SPAG16: variants seen among roughly 807,000 people sequenced by gnomAD.
SPAG16 encodes sperm-associated antigen 16 protein.
In SPAG16, 86 loss-of-function variants were observed where a neutral mutation model predicts 80.4. The observed-to-expected ratio is 1.07, with a 90% CI of 0.90 to 1.28. The LOEUF (loss-of-function observed/expected upper bound fraction) is 1.28. Ranked by LOEUF, SPAG16 falls within the 50% of genes most tolerant of loss-of-function variation. The probability of loss-of-function intolerance (pLI) is 0.00; values close to 1 mark genes in which losing one functional copy is unlikely to be tolerated. For missense variants in SPAG16, 870 were observed against 765.3 expected, an observed-to-expected ratio of 1.14 and a Z score of -1.61; for synonymous variants, 294 against 265.9, an observed-to-expected ratio of 1.11 and a Z score of -1.03.
chr2:213,599,036 A>G (rs2060974217), intron 10 of SPAG16, among the ~76,000 whole-genome samples: 2 of 152,216 alleles, frequency 1.3e-5, no homozygotes, highest in East Asian at 1.9e-4. Context: ...CATTCTTTAT[A>G]TTATTAAATT....
chr2:214,109,906 T>C (rs17229840), intron 14 of SPAG16, among the ~76,000 whole-genome samples: 16,547 of 152,174 alleles, frequency 0.11, 1,242 homozygotes, highest in Admixed American at 0.17. Context: ...CCTACAAAAA[T>C]TAAATGGGAG....
chr2:213,576,334 T>G (rs1338841523), intron 10 of SPAG16, among the ~76,000 whole-genome samples: 4 of 152,144 alleles, frequency 2.6e-5, no homozygotes, highest in Admixed American at 2.6e-4. Context: ...AGCCCTGTAG[T>G]GTAGTTTGAA....
chr2:213,706,181 C>T (rs1008440382), intron 10 of SPAG16, among the ~76,000 whole-genome samples: 3 of 152,144 alleles, frequency 2.0e-5, no homozygotes, highest in East Asian at 3.8e-4. Context: ...AGGGTCACTA[C>T]GTGTTCTCAC....
Position 214,091,759 on chromosome 2 carries a change from T to C in SPAG16, c.1528-16437T>C, listed in dbSNP as rs531356111. ...ACACATAGAAATCATTTTACATAAA[T>C]AGGTTCCTGTATGCTTAGAATCTCC... On this transcript the variant is annotated intron_variant, in intron 13 of 15. Transcript: ENST00000331683. Among the ~76,000 whole-genome samples the C allele has an allele frequency of 7.9e-5, 12 of 152,228 alleles. No individual in the cohort carries two copies. The Middle Eastern group carries it at 0.01, about 130-fold the overall frequency.
chr2:214,053,466 A>C (rs1261427076), intron 13 of SPAG16, among the ~76,000 whole-genome samples: 1 of 152,180 alleles, frequency 6.6e-6, no homozygotes, highest in Non-Finnish European at 1.5e-5. Context: ...GTAGGCCTCT[A>C]GAAAATTATG....
rs547091820 is a variant in SPAG16 at position 214,261,636 on chromosome 2, A to T, written c.1720+112370A>T. Among the ~76,000 whole-genome samples, 4 of 152,310 alleles carry T rather than the reference A, an allele frequency of 2.6e-5. No homozygotes were observed. In the East Asian group the frequency reaches 7.7e-4, roughly 29 times the overall value. ...CCTTTATACATTTATTATTTTTGCT[A>T]TTCAAATAAAAGTAACAATATGTAT... is the stretch of plus-strand genomic sequence containing the variant. On this transcript the variant is annotated intron_variant, in intron 15 of 15. Transcript: ENST00000331683.
intron 15 of SPAG16, among the ~76,000 whole-genome samples, chr2:214,208,432 C>G (rs2058204866): frequency 6.6e-6 from 1 of 152,090 alleles, no homozygotes; most frequent in South Asian, 2.1e-4. Context: ...ACTGATAGTC[C>G]TTGGCATGAA....
chr2:213,746,032 T>C (rs1300175681), intron 10 of SPAG16, among the ~76,000 whole-genome samples: 1 of 152,218 alleles, frequency 6.6e-6, no homozygotes, highest in Non-Finnish European at 1.5e-5. Context: ...ATGATCAACA[T>C]TTAATTGACT....
chr2:214,316,064 T>C (rs1559206733), intron 15 of SPAG16, among the ~76,000 whole-genome samples: 1 of 152,066 alleles, frequency 6.6e-6, no homozygotes, highest in Non-Finnish European at 1.5e-5. Flanking sequence ...GTCTTCTGTA[T>C]AACAACTTCT....
chr2:213,926,224 T>C (rs945742997), intron 11 of SPAG16, among the ~76,000 whole-genome samples: 1 of 152,194 alleles, frequency 6.6e-6, no homozygotes, highest in African/African-American at 2.4e-5. Flanking sequence ...TTTTCAAATA[T>C]GTACTTTATT....
intron 13 of SPAG16, among the ~76,000 whole-genome samples, chr2:214,048,032 G>C (rs1410604888): frequency 6.6e-6 from 1 of 152,086 alleles, no homozygotes; most frequent in Non-Finnish European, 1.5e-5. Flanking sequence ...CCAAAAGTCA[G>C]GTAATAACAA....
At chr2:213,727,909 C>T (rs1050756532) in intron 10 of SPAG16, among the ~76,000 whole-genome samples, 2 of 151,970 alleles carry the variant, frequency 1.3e-5, no homozygotes, top group African/African-American at 4.8e-5. Context: ...AGTGCAATGG[C>T]GTGATCTCAG....
intron 10 of SPAG16, among the ~76,000 whole-genome samples, chr2:213,702,357 C>G (rs2065481758): frequency 1.3e-5 from 2 of 152,212 alleles, no homozygotes; most frequent in African/African-American, 2.4e-5. Flanking sequence ...TGTTCTTTCA[C>G]TTTTTGCAAT....
intron 15 of SPAG16, among the ~76,000 whole-genome samples, chr2:214,185,038 T>C (rs2057424936): frequency 6.6e-6 from 1 of 152,068 alleles, no homozygotes; most frequent in Non-Finnish European, 1.5e-5. Flanking sequence ...AATAATCAGT[T>C]GTCCTTATTA....
At chr2:214,061,072 CA>C (rs1426437138) in intron 13 of SPAG16, among the ~76,000 whole-genome samples, 1 of 152,152 alleles carries the variant, frequency 6.6e-6, no homozygotes, top group African/African-American at 2.4e-5. Context: ...AAAAGTGACT[CA>C]AGTTTGTGAG....
At chr2:213,889,700 C>CACATATATATACATATGCATATATATAT (rs2076709953) in intron 11 of SPAG16, among the ~76,000 whole-genome samples, 1 of 144,586 alleles carries the variant, frequency 6.9e-6, no homozygotes, top group Non-Finnish European at 1.5e-5. Flanking sequence ...CATATATATA[C>CACATATATATACATATGCATATATATAT]ACATATATAT....
At chr2:213,792,724 C>T (rs957412841) in intron 10 of SPAG16, among the ~76,000 whole-genome samples, 1 of 150,130 alleles carries the variant, frequency 6.7e-6, no homozygotes, top group Non-Finnish European at 1.5e-5. Context: ...GCTGGAATTA[C>T]AGGCATGAGC....
At chr2:213,613,795 A>G (rs982281206) in intron 10 of SPAG16, among the ~76,000 whole-genome samples, 1 of 152,202 alleles carries the variant, frequency 6.6e-6, no homozygotes, top group Non-Finnish European at 1.5e-5. Flanking sequence ...GCTAAGCAGT[A>G]TCTTGTGAAT....
chr2:213,790,159 T>C (rs1001797533), intron 10 of SPAG16, among the ~76,000 whole-genome samples: 4 of 151,994 alleles, frequency 2.6e-5, no homozygotes, highest in Non-Finnish European at 5.9e-5. Flanking sequence ...CATAAATTAA[T>C]CATGAATTTT....
Sources: allele counts gnomAD v4.1 joint callset (sites outside exome capture counted in the v4.1 genomes callset), GRCh38; gene constraint gnomAD v4.1.1; transcripts MANE v1.5; gene names NCBI Gene and HGNC (gene_info 2026-07-23, HGNC 2026-07-21).